PLPPR5: variants seen among roughly 807,000 people sequenced by gnomAD.
PLPPR5 encodes the protein phospholipid phosphatase related 5.
Under a neutral mutation model 33.9 loss-of-function variants are expected in PLPPR5, and 16 were observed. The ratio of observed to expected loss-of-function variants is 0.47; its 90% CI spans 0.32 to 0.72. The LOEUF is 0.72. Ranked by LOEUF, PLPPR5 falls within the 30% of genes least tolerant of loss-of-function variation. The pLI, the probability that PLPPR5 is intolerant of heterozygous loss-of-function variation, is 0.03. For missense variants in PLPPR5, 301 were observed against 406.7 expected (o/e 0.74, Z 2.23); for synonymous variants, 163 against 150.3 (o/e 1.08, Z -0.62).
chr1:98,953,949 C>G (rs1183434483), intron 2 of PLPPR5, among the ~76,000 whole-genome samples: 2 of 152,114 alleles, frequency 1.3e-5, no homozygotes, highest in Non-Finnish European at 2.9e-5. Context: ...TAATTTATTT[C>G]CACCTTATCT....
intron 3 of PLPPR5, among the ~76,000 whole-genome samples, chr1:98,928,909 A>AAT (rs942721733): frequency 4.6e-5 from 7 of 151,964 alleles, no homozygotes; most frequent in South Asian, 2.1e-4. Flanking sequence ...AAGTTAAACT[A>AAT]ATATATATAT....
At chr1:98,941,244 TG>T (rs1650357454) in intron 3 of PLPPR5, among the ~76,000 whole-genome samples, 1 of 151,930 alleles carries the variant, frequency 6.6e-6, no homozygotes, top group South Asian at 2.1e-4. Flanking sequence ...AAGAATATAA[TG>T]TTTCCAACAT....
At chr1:98,896,842 TAA>T (rs11350963) in intron 5 of PLPPR5, among the ~76,000 whole-genome samples, 46 of 150,576 alleles carry the variant, frequency 3.1e-4, no homozygotes, top group Non-Finnish European at 3.3e-4. Flanking sequence ...GTCTGTAATT[TAA>T]AAAAAAAATG....
At chr1:98,982,614 T>C (rs1441936282) in intron 1 of PLPPR5, among the ~76,000 whole-genome samples, 1 of 152,126 alleles carries the variant, frequency 6.6e-6, no homozygotes, top group Non-Finnish European at 1.5e-5. Flanking sequence ...ACTCATTCTA[T>C]TTTATAGAAT....
At chr1:98,929,550 A>ACTG (rs1649892296) in intron 3 of PLPPR5, among the ~76,000 whole-genome samples, 6 of 152,220 alleles carry the variant, frequency 3.9e-5, no homozygotes, top group Admixed American at 6.5e-5. Context: ...TGTAAGTAAC[A>ACTG]ACAACCTCAG....
chr1:99,003,621 T>C (rs901506722), intron 1 of PLPPR5, among the ~76,000 whole-genome samples: 5 of 152,230 alleles, frequency 3.3e-5, no homozygotes, highest in Admixed American at 6.5e-5. Context: ...TCCCCAATAA[T>C]TTCATATGTA....
rs917518981 is a variant in PLPPR5, at chr1:98,891,686, A to G, written c.*1386T>C. ...ACTCTTGATATTATCTTAAAACTGG[A>G]TTATAATTATTATATAGTTTTATAT... On this transcript the variant is annotated 3_prime_UTR_variant, in exon 6 of 6. Transcript: ENST00000263177. The G allele has an allele frequency of 3.0e-4, 46 of 152,190 alleles. No individual in the cohort carries two copies. Among genetic ancestry groups the G allele is most frequent in the African/African-American group, 1.1e-3 (44 of 41,550 alleles). The allele number at this position is 152,190 out of a possible 1,614,324, so 9.4% of individuals were successfully genotyped here. A position where few individuals can be genotyped will look rare whatever the true frequency, so the allele number is the denominator to read the frequency against.
intron 1 of PLPPR5, chr1:98,991,089 A>G (rs991766602): frequency 6.6e-6 from 1 of 152,114 alleles, no homozygotes; most frequent in African/African-American, 2.4e-5. Flanking sequence ...ACTACATACA[A>G]TTGGAAGCAT....
At chr1:98,952,066 C>T (rs1168796882) in intron 3 of PLPPR5, among the ~76,000 whole-genome samples, 1 of 152,058 alleles carries the variant, frequency 6.6e-6, no homozygotes, top group Non-Finnish European at 1.5e-5. Flanking sequence ...AGTTTGAGGC[C>T]AGCCTGGCCA....
chr1:98,926,724 C>T (rs1649781592), intron 3 of PLPPR5, among the ~76,000 whole-genome samples: 1 of 152,052 alleles, frequency 6.6e-6, no homozygotes, highest in South Asian at 2.1e-4. Flanking sequence ...ATCTTTCTCC[C>T]AGATTCTAGT....
At chr1:98,921,792 A>G in intron 4 of PLPPR5, 90 bp downstream of exon 4, 1 of 1,063,392 alleles carries the variant, frequency 9.4e-7, no homozygotes, top group Non-Finnish European at 1.4e-6. Context: ...CTACATTTAG[A>G]CAAACCCAGT....
chr1:98,986,860 G>GA (rs1023231292), intron 1 of PLPPR5, among the ~76,000 whole-genome samples: 8 of 151,270 alleles, frequency 5.3e-5, no homozygotes, highest in Non-Finnish European at 1.2e-4. Flanking sequence ...TGAAATGGGT[G>GA]TTTTTTTTAA....
chr1:99,005,069 TGGGCGGACG>T (rs1435063978), upstream of PLPPR5: 1 of 151,804 alleles, frequency 6.6e-6, no homozygotes, highest in African/African-American at 2.4e-5. Flanking sequence ...AGGCGCTGCG[TGGGCGGACG>T]GGGCGGCAGC....
chr1:98,928,547 T>TAATATATATATATATATATATATA (rs1649845626), intron 3 of PLPPR5, among the ~76,000 whole-genome samples: 3 of 47,516 alleles, frequency 6.3e-5, no homozygotes, highest in Admixed American at 2.4e-4. Flanking sequence ...AAGTTTTAAA[T>TAATATATATATATATATATATATA]CATATATATA....
At chr1:98,965,470 G>T (rs1215570071) in intron 1 of PLPPR5, among the ~76,000 whole-genome samples, 1 of 152,198 alleles carries the variant, frequency 6.6e-6, no homozygotes, top group East Asian at 1.9e-4. Flanking sequence ...GACAGGTCTG[G>T]TATCTAGCCC....
At chr1:98,938,300 A>C (rs1466979007) in intron 3 of PLPPR5, among the ~76,000 whole-genome samples, 1 of 151,916 alleles carries the variant, frequency 6.6e-6, no homozygotes, top group Non-Finnish European at 1.5e-5. Context: ...GTGTGAATGC[A>C]AAGTATAGTA....
chr1:98,953,320 C>T lies in PLPPR5; in HGVS notation c.371G>A (p.Gly124Glu), dbSNP rs760964939. Reference protein sequence around the residue: ...PLVRRTVRFLGIYTFGLFATD... With the variant: ...PLVRRTVRFLEIYTFGLFATD... ...AGCAAACAGTCCAAATGTATAAATT[C>T]CTGGGGAAGAAAACAAATAATTTTA... is the stretch of plus-strand genomic sequence containing the variant. Residue 124 changes from glycine to glutamate, a missense_variant and splice_region_variant, in exon 3 of 6, where the codon GGA (glycine) becomes GAA (glutamate). Physicochemically the swap from Gly to Glu is moderately conservative, Grantham distance 98. Transcript: ENST00000263177. 1.9e-6 allele frequency: 3 copies of T among 1,608,594 alleles called. No individual in the cohort carries two copies. In the South Asian group the frequency reaches 3.3e-5, roughly 18 times the overall value.
At chr1:98,917,648 C>A (rs1349897523) in intron 4 of PLPPR5, among the ~76,000 whole-genome samples, 1 of 152,206 alleles carries the variant, frequency 6.6e-6, no homozygotes, top group Non-Finnish European at 1.5e-5. Flanking sequence ...GCCATGATAT[C>A]TCGTCTCAGC....
chr1:98,975,242 A>C (rs1398644503), intron 1 of PLPPR5, among the ~76,000 whole-genome samples: 4 of 152,070 alleles, frequency 2.6e-5, no homozygotes, highest in Non-Finnish European at 4.4e-5. Flanking sequence ...TGGTTTATAG[A>C]GTAGGACTCT....
Sources: allele counts gnomAD v4.1 joint callset (sites outside exome capture counted in the v4.1 genomes callset), GRCh38; gene constraint gnomAD v4.1.1; transcripts MANE v1.5; gene names NCBI Gene and HGNC (gene_info 2026-07-23, HGNC 2026-07-21).